Variants in OR10Z1 observed in about 807,000 individuals in gnomAD.
OR10Z1 encodes olfactory receptor 10Z1.
For missense variants in OR10Z1, 468 were observed against 371.0 expected, an observed-to-expected ratio of 1.26 and a Z score of -2.15; for synonymous variants, 187 against 151.2, an observed-to-expected ratio of 1.24 and a Z score of -1.74.
Position 158,612,196 on chromosome 1 carries a change from C to T in OR10Z1, c.*4816C>T, listed in dbSNP as rs1315814011. 6.4e-6 allele frequency: 1 copy of T among 156,062 alleles called. No individual in the cohort carries two copies. The highest frequency in any genetic ancestry group is 2.4e-5 in the African/African-American group (1 of 41,456). The allele number at this position is 156,062 out of a possible 1,614,324, so 9.7% of individuals were successfully genotyped here. On this transcript the variant is annotated 3_prime_UTR_variant, in exon 2 of 2. Coordinates refer to ENST00000641002, the MANE Select transcript of OR10Z1 (RefSeq NM_001004478.2). ...GTTTTCTCAAGTTCCTTTGCACACA[C>T]ACTTGCCTTTGCCTGAAACACTTAG...
At position 158,607,937 on chromosome 1, in the gene OR10Z1, T is replaced by A. The variant is rs1454924271; in HGVS notation, c.*557T>A. ...TGGGTGTCTTTCATCTTTTTATGTT[T>A]TTATTTTTTTTAATTTCAACTATTA... On this transcript the variant is annotated 3_prime_UTR_variant, in exon 2 of 2. Transcript: ENST00000641002. 3 of 152,334 alleles carry A rather than the reference T, an allele frequency of 2.0e-5. No homozygotes were observed. Among genetic ancestry groups the A allele is most frequent in the Non-Finnish European group, 4.4e-5 (3 of 68,178 alleles). The allele number at this position is 152,334 out of a possible 1,614,324, so 9.4% of individuals were successfully genotyped here. A position where few individuals can be genotyped will look rare whatever the true frequency, so the allele number is the denominator to read the frequency against.
rs769066345 is a variant in OR10Z1 at position 158,607,156 on chromosome 1, A to T, written c.718A>T (p.Thr240Ser). ...TGAGGGGCAGAAGAAGGCCTTCTCC[A>T]CTTGTGCCTCGCACCTTACAGTGGT... ...SAEGQKKAFS[T>S]CASHLTVVII... The change falls in exon 2 of 2, where the codon ACT becomes TCT. Residue 240 changes from threonine to serine, a missense_variant. Coordinates refer to ENST00000641002, the MANE Select transcript of OR10Z1 (RefSeq NM_001004478.2). 6.2e-7 allele frequency: 1 copy of T among 1,613,744 alleles called. No homozygotes were observed. Among genetic ancestry groups the T allele is most frequent in the Non-Finnish European group, 8.5e-7 (1 of 1,179,944 alleles).
rs561847635 is a variant in OR10Z1 at position 158,607,382 on chromosome 1, G to T, written c.*2G>T. On this transcript the variant is annotated 3_prime_UTR_variant, in exon 2 of 2. Transcript: ENST00000641002. ...GGGAGATTGCTGGGTAAAGGATGAA[G>T]GTTACCCCAATAGGACACTTTCTTC... 15 of 1,606,122 alleles carry T rather than the reference G, an allele frequency of 9.3e-6. No homozygotes were observed. The East Asian group carries it at 3.1e-4, about 33-fold the overall frequency.
rs777304429 is a variant in OR10Z1 at position 158,606,773 on chromosome 1, G to C, written c.335G>C (p.Cys112Ser). Residue 112 changes from cysteine (C) to serine (S), a missense_variant, in exon 2 of 2, where the codon TGC becomes TCC. Transcript: ENST00000641002. ...FFSASWACTN[C>S]FLLAAMGFDR... ...TCTGCCTCATGGGCCTGTACTAACT[G>C]CTTCCTTCTGGCTGCCATGGGCTTT... 3.1e-6 allele frequency: 5 copies of C among 1,613,986 alleles called. No homozygotes were observed. The East Asian group carries it at 6.7e-5, about 22-fold the overall frequency.
At position 158,606,561 on chromosome 1, in the gene OR10Z1, C is replaced by G. The variant is rs779430449; in HGVS notation, c.123C>G (p.Ser41Arg). 1.3e-5 allele frequency: 21 copies of G among 1,613,764 alleles called. No individual in the cohort carries two copies. Among genetic ancestry groups the G allele is most frequent in the Non-Finnish European group, 1.4e-5 (17 of 1,179,796 alleles). Residue 41 changes from serine to arginine, a missense_variant, in exon 2 of 2, where the codon AGC (serine) becomes AGG (arginine). Transcript: ENST00000641002. Reference protein sequence around the residue: ...FLSLYLVTLTSNVFIIIAIRL... With the variant: ...FLSLYLVTLTRNVFIIIAIRL... ...CTCTGTATCTAGTCACTCTGACCAGCAATGTCTTCATTATCATAGCCATCA... is the reference window on the plus strand; with the variant it reads ...CTCTGTATCTAGTCACTCTGACCAGGAATGTCTTCATTATCATAGCCATCA...
Position 158,609,468 on chromosome 1 carries a change from T to G in OR10Z1, c.*2088T>G, listed in dbSNP as rs1392492961. On this transcript the variant is annotated 3_prime_UTR_variant, in exon 2 of 2. Transcript: ENST00000641002. ...ATTCATTTCACCAGTTCATTCAGTC[T>G]GCCCAGCATAACATTGACTAAATGC... 4 of 152,212 alleles carry G rather than the reference T, an allele frequency of 2.6e-5. No homozygotes were observed. The highest frequency in any genetic ancestry group is 4.4e-5 in the Non-Finnish European group (3 of 68,038). The allele number at this position is 152,212 out of a possible 1,614,324, so 9.4% of individuals were successfully genotyped here.
At position 158,611,380 on chromosome 1, in the gene OR10Z1, G is replaced by A. The variant is rs199554383; in HGVS notation, c.*4000G>A. The A allele has an allele frequency of 7.4e-6, 12 of 1,613,592 alleles. No individual in the cohort carries two copies. The South Asian group carries it at 8.8e-5, about 12-fold the overall frequency. On this transcript the variant is annotated 3_prime_UTR_variant, in exon 2 of 2. Coordinates refer to ENST00000641002, the MANE Select transcript of OR10Z1 (RefSeq NM_001004478.2). ...GTGGCACAGAATGACACTTGCTCTG[G>A]GGTAAGGGCCTGAAAAGTATAAAAA... is the stretch of plus-strand genomic sequence containing the variant.
In OR10Z1 at chr1:158,611,404, AAG is replaced by A. The variant is rs1226344327; in HGVS notation, c.*4028_*4029del. 8.7e-6 allele frequency: 14 copies of A among 1,613,146 alleles called. No homozygotes were observed. The highest frequency in any genetic ancestry group is 1.1e-5 in the Non-Finnish European group (13 of 1,179,370). On this transcript the variant is annotated 3_prime_UTR_variant, in exon 2 of 2. Coordinates refer to ENST00000641002, the MANE Select transcript of OR10Z1 (RefSeq NM_001004478.2). ...GGGGTAAGGGCCTGAAAAGTATAAA[AAG>A]AGAAAAATACAGTTATAGGGATTCA...
rs1302264343 is a variant in OR10Z1 at position 158,610,409 on chromosome 1, A to C, written c.*3029A>C. ...ACCTGTTCAGAATAAACCTGGCCTG[A>C]AAATTTTTGAAGATAGCATCACCTC... On this transcript the variant is annotated 3_prime_UTR_variant, in exon 2 of 2. Coordinates refer to ENST00000641002, the MANE Select transcript of OR10Z1 (RefSeq NM_001004478.2). 1.3e-5 allele frequency: 2 copies of C among 152,202 alleles called. No homozygotes were observed. Among genetic ancestry groups the C allele is most frequent in the African/African-American group, 4.8e-5 (2 of 41,462 alleles). The allele number at this position is 152,202 out of a possible 1,614,324, so 9.4% of individuals were successfully genotyped here.
In OR10Z1 at chr1:158,606,756, A is replaced by C. The variant is rs908729354; in HGVS notation, c.318A>C (p.Ser106=). 3.7e-6 allele frequency: 6 copies of C among 1,613,794 alleles called. No individual in the cohort carries two copies. The African/African-American group carries it at 8.0e-5, about 22-fold the overall frequency. ...GCAAQMFFSA[S]WACTNCFLLA... is the part of the protein sequence containing the mutation. The stretch of plus-strand genomic sequence containing the variant: ...CTGCCCAGATGTTCTTTTCTGCCTC[A>C]TGGGCCTGTACTAACTGCTTCCTTC... The change falls in exon 2 of 2, where the codon TCA becomes TCC. Residue 106 remains serine, a synonymous_variant. Transcript: ENST00000641002.
In OR10Z1 at chr1:158,608,166, T is replaced by C. The variant is rs1649108206; in HGVS notation, c.*786T>C. ...ACTTCCTATTTTTTTTTATAACTGTTAATGTTCCCTGGTAGCTTCAGAATC... is the reference window on the plus strand; with the variant it reads ...ACTTCCTATTTTTTTTTATAACTGTCAATGTTCCCTGGTAGCTTCAGAATC... On this transcript the variant is annotated 3_prime_UTR_variant, in exon 2 of 2. Transcript: ENST00000641002. The C allele has an allele frequency of 6.6e-6, 1 of 152,176 alleles. No homozygotes were observed. The highest frequency in any genetic ancestry group is 1.5e-5 in the Non-Finnish European group (1 of 68,028). 9.4% of individuals were successfully genotyped at this position (152,176 alleles called of 1,614,324 possible).
chr1:158,606,594 T>G lies in OR10Z1; in HGVS notation c.156T>G (p.Asp52Glu), dbSNP rs1447383202. The G allele has an allele frequency of 3.1e-6, 5 of 1,613,904 alleles. No homozygotes were observed. The highest frequency in any genetic ancestry group is 1.3e-5 in the African/African-American group (1 of 74,928). ...TCATTATCATAGCCATCAGGCTGGA[T>G]AGCCATCTGCACACCCCCATGTACC... ...NVFIIIAIRLDSHLHTPMYLF... is the reference protein window; with the variant it reads ...NVFIIIAIRLESHLHTPMYLF... The change falls in exon 2 of 2, where the codon GAT becomes GAG. Residue 52 changes from aspartate to glutamate, a missense_variant. By Grantham distance (45) the Asp-to-Glu change is conservative (BLOSUM62 2). Coordinates refer to ENST00000641002, the MANE Select transcript of OR10Z1 (RefSeq NM_001004478.2).
Position 158,611,207 on chromosome 1 carries a change from C to T in OR10Z1, c.*3827C>T, listed in dbSNP as rs1389450582. On this transcript the variant is annotated 3_prime_UTR_variant, in exon 2 of 2. Transcript: ENST00000641002. ...TTCCACATTTGCCTGTACTCTTTGC[C>T]CCCCAGTAAATTTCCCACGACACTA... 2 of 1,606,172 alleles carry T rather than the reference C, an allele frequency of 1.2e-6. No individual in the cohort carries two copies. The highest frequency in any genetic ancestry group is 1.7e-6 in the Non-Finnish European group (2 of 1,174,788).
At position 158,606,680 on chromosome 1, in the gene OR10Z1, T is replaced by C. The variant is rs758750071; in HGVS notation, c.242T>C (p.Met81Thr). ...TACACTTTGGGCATCATCCCTAGAA[T>C]GCTCTCTGGCCTGGCTGGGGGGGAC... ...TCYTLGIIPR[M>T]LSGLAGGDQA... The change falls in exon 2 of 2, where the codon ATG becomes ACG. Residue 81 changes from methionine to threonine, a missense_variant. Transcript: ENST00000641002. 1 of 1,614,114 alleles carries C rather than the reference T, an allele frequency of 6.2e-7. No individual in the cohort carries two copies. Among genetic ancestry groups the C allele is most frequent in the East Asian group, 2.2e-5 (1 of 44,874 alleles).
In OR10Z1 at chr1:158,610,044, T is replaced by C. The variant is rs1461543673; in HGVS notation, c.*2664T>C. On this transcript the variant is annotated 3_prime_UTR_variant, in exon 2 of 2. Coordinates refer to ENST00000641002, the MANE Select transcript of OR10Z1 (RefSeq NM_001004478.2). The stretch of plus-strand genomic sequence containing the variant: ...TGTGAACATTAATTTTGAAAATACT[T>C]TCTGCTTGTTATATTCCATAGTATT... 1 of 152,220 alleles carries C rather than the reference T, an allele frequency of 6.6e-6. No individual in the cohort carries two copies. The highest frequency in any genetic ancestry group is 2.4e-5 in the African/African-American group (1 of 41,458). 9.4% of individuals were successfully genotyped at this position (152,220 alleles called of 1,614,324 possible). A position where few individuals can be genotyped will look rare whatever the true frequency, so the allele number is the denominator to read the frequency against.
chr1:158,607,116 G>C lies in OR10Z1; in HGVS notation c.678G>C (p.Leu226=). The C allele has an allele frequency of 6.2e-7, 1 of 1,613,936 alleles. No homozygotes were observed. Among genetic ancestry groups the C allele is most frequent in the Non-Finnish European group, 8.5e-7 (1 of 1,179,946 alleles). Residue 226 remains leucine (L), a synonymous_variant, in exon 2 of 2, where the codon CTG becomes CTC. Coordinates refer to ENST00000641002, the MANE Select transcript of OR10Z1 (RefSeq NM_001004478.2). ...ACGCCTACATCTTGGCAGCAATACTGAGGATCCCCTCTGCTGAGGGGCAGA... is the reference window on the plus strand; with the variant it reads ...ACGCCTACATCTTGGCAGCAATACTCAGGATCCCCTCTGCTGAGGGGCAGA... The part of the protein sequence containing the change: ...ISYAYILAAI[L]RIPSAEGQKK...
Position 158,608,764 on chromosome 1 carries a change from A to C in OR10Z1, c.*1384A>C, listed in dbSNP as rs866533052. 1 of 152,176 alleles carries C rather than the reference A, an allele frequency of 6.6e-6. No individual in the cohort carries two copies. Among genetic ancestry groups the C allele is most frequent in the Non-Finnish European group, 1.5e-5 (1 of 68,018 alleles). The allele number at this position is 152,176 out of a possible 1,614,324, so 9.4% of individuals were successfully genotyped here. A position where few individuals can be genotyped will look rare whatever the true frequency, so the allele number is the denominator to read the frequency against. On this transcript the variant is annotated 3_prime_UTR_variant, in exon 2 of 2. Coordinates refer to ENST00000641002, the MANE Select transcript of OR10Z1 (RefSeq NM_001004478.2). ...GGTAAGACAATATAAGCCTAGTTTA[A>C]TGTGTGTGAGTTATTCAGAGGGGCT...
chr1:158,610,465 T>C lies in OR10Z1; in HGVS notation c.*3085T>C, dbSNP rs1358930344. On this transcript the variant is annotated 3_prime_UTR_variant, in exon 2 of 2. Coordinates refer to ENST00000641002, the MANE Select transcript of OR10Z1 (RefSeq NM_001004478.2). ...TTTTTAAAATTAATTCTTAATTTTATAAATAATTCTATTAACTGTTACTTT... is the reference window on the plus strand; with the variant it reads ...TTTTTAAAATTAATTCTTAATTTTACAAATAATTCTATTAACTGTTACTTT... The C allele has an allele frequency of 6.6e-6, 1 of 152,152 alleles. No homozygotes were observed. The highest frequency in any genetic ancestry group is 1.5e-5 in the Non-Finnish European group (1 of 68,028). 9.4% of individuals were successfully genotyped at this position (152,152 alleles called of 1,614,324 possible). A position where few individuals can be genotyped will look rare whatever the true frequency, so the allele number is the denominator to read the frequency against.
intron 1 of OR10Z1, 58 bp downstream of exon 1, chr1:158,605,459 C>G (rs1649026107): frequency 6.5e-6 from 1 of 152,734 alleles, no homozygotes; most frequent in African/African-American, 2.4e-5. Flanking sequence ...TTTTTGGAGG[C>G]AGCAGTACCT....
Sources: gnomAD v4.1 joint callset for allele counts on GRCh38, gnomAD v4.1.1 for gene constraint, MANE v1.5 for transcripts, NCBI Gene and HGNC (gene_info 2026-07-23, HGNC 2026-07-21) for gene names.